The following ZNF516 variants were observed in gnomAD, a reference collection of about 807,000 sequenced individuals.
ZNF516 encodes the protein zinc finger protein 516.
In ZNF516, 19 loss-of-function variants were observed where a neutral mutation model predicts 79.7. The observed-to-expected ratio is 0.24, with a 90% CI of 0.17 to 0.35. The LOEUF (loss-of-function observed/expected upper bound fraction) is 0.35, where lower values mean the gene tolerates loss of function less well. ZNF516 is among the 10% of genes least tolerant of loss of function. The probability of loss-of-function intolerance (pLI) is 1.00; values close to 1 mark genes in which losing one functional copy is unlikely to be tolerated. For missense variants in ZNF516, 1,678 were observed against 1,679.5 expected, an observed-to-expected ratio of 1.00 and a Z score of 0.02; for synonymous variants, 877 against 739.5, an observed-to-expected ratio of 1.19 and a Z score of -3.02.
At chr18:76,387,095 T>G (rs1437773380) in intron 3 of ZNF516, 2 of 152,292 alleles carry the variant, frequency 1.3e-5, no homozygotes, top group Non-Finnish European at 2.9e-5. Context: ...GAAGGCTCCG[T>G]CATCCATGTG....
intron 3 of ZNF516, among the ~76,000 whole-genome samples, chr18:76,429,119 C>A (rs528925358): frequency 1.3e-5 from 2 of 152,338 alleles, no homozygotes; most frequent in African/African-American, 4.8e-5. Flanking sequence ...GAGTCCTGAG[C>A]CAAGAAGATG....
chr18:76,456,922 C>T (rs919106561), intron 2 of ZNF516, among the ~76,000 whole-genome samples: 4 of 152,180 alleles, frequency 2.6e-5, no homozygotes, highest in Admixed American at 2.6e-4. Flanking sequence ...ATTAAATATG[C>T]ATCTGTTATA....
intron 1 of ZNF516, chr18:76,490,033 G>A (rs1328548007): frequency 9.5e-6 from 3 of 315,158 alleles, no homozygotes; most frequent in African/African-American, 2.3e-5. Flanking sequence ...ATTAGCAAAT[G>A]TTAAGAAAAC....
At chr18:76,444,387 T>C in intron 2 of ZNF516, among the ~76,000 whole-genome samples, 1 of 152,134 alleles carries the variant, frequency 6.6e-6, no homozygotes, top group East Asian at 1.9e-4. Context: ...GGCACCCAGA[T>C]GGGCCATGTT....
At chr18:76,398,587 C>T (rs1355170350) in intron 3 of ZNF516, among the ~76,000 whole-genome samples, 1 of 152,106 alleles carries the variant, frequency 6.6e-6, no homozygotes, top group Non-Finnish European at 1.5e-5. Flanking sequence ...GCAGGAAAGC[C>T]AGGCCCATAA....
intron 3 of ZNF516, among the ~76,000 whole-genome samples, chr18:76,391,640 G>A (rs1187206002): frequency 6.6e-6 from 1 of 152,176 alleles, no homozygotes; most frequent in African/African-American, 2.4e-5. Flanking sequence ...ACTAGGACAG[G>A]GGTCCCCAAA....
chr18:76,417,145 T>C (rs769226391), intron 3 of ZNF516, among the ~76,000 whole-genome samples: 10 of 152,214 alleles, frequency 6.6e-5, no homozygotes, highest in Non-Finnish European at 1.0e-4. Context: ...TGAGATGCCT[T>C]TGAACTCCGA....
intron 3 of ZNF516, among the ~76,000 whole-genome samples, chr18:76,392,356 C>T (rs1243411308): frequency 3.3e-5 from 5 of 152,198 alleles, no homozygotes; most frequent in South Asian, 2.1e-4. Context: ...GGTTGGCAAA[C>T]GGGGCTCTTC....
Position 76,480,773 on chromosome 18 carries a change from C to T in ZNF516, c.-272+14371G>A, listed in dbSNP as rs949011752. Among the ~76,000 whole-genome samples, 4 of 152,154 alleles carry T rather than the reference C, an allele frequency of 2.6e-5. No homozygotes were observed. The East Asian group carries it at 5.8e-4, about 22-fold the overall frequency. ...CTGACCTCAAGTGATCCGCCCACCT[C>T]GGCCTCCCAAAATGCTGGGATTACA... is the stretch of plus-strand genomic sequence containing the variant. On this transcript the variant is annotated intron_variant, in intron 1 of 6. Transcript: ENST00000443185.
At chr18:76,372,726 G>A (rs1367267880) in intron 4 of ZNF516, 1 of 152,218 alleles carries the variant, frequency 6.6e-6, no homozygotes, top group Non-Finnish European at 1.5e-5. Context: ...GGCACATCTT[G>A]TCAAATTTCT....
intron 3 of ZNF516, among the ~76,000 whole-genome samples, chr18:76,406,989 C>T (rs908691097): frequency 1.3e-5 from 2 of 152,288 alleles, no homozygotes; most frequent in Non-Finnish European, 2.9e-5. Flanking sequence ...AGTGCGTCTC[C>T]GTCCACTGTT....
rs779845660 is a variant in ZNF516 at position 76,493,707 on chromosome 18, T to A, written c.-272+1437A>T. The A allele has an allele frequency of 6.6e-6, 1 of 152,260 alleles. No individual in the cohort carries two copies. The highest frequency in any genetic ancestry group is 1.5e-5 in the Non-Finnish European group (1 of 68,066). 9.4% of individuals were successfully genotyped at this position (152,260 alleles called of 1,614,324 possible). The stretch of plus-strand genomic sequence containing the variant: ...GAAAAATCACACTCCCCCTCCAGTT[T>A]CTTCCCCTGCAATGATTTCAAAGAC... On this transcript the variant is annotated intron_variant, in intron 1 of 6. Transcript: ENST00000443185. The surrounding 1 kb of genome is among the most constrained non-coding windows in gnomAD (Gnocchi z 5.2).
chr18:76,364,675 C>T lies in ZNF516; in HGVS notation c.3433-2118G>A, dbSNP rs530537857. Among the ~76,000 whole-genome samples, 157 of 151,798 alleles carry T rather than the reference C, an allele frequency of 1.0e-3. 1 individual carries two copies. The highest frequency in any genetic ancestry group is 3.7e-3 in the African/African-American group (152 of 41,338). ...TAGTGGTGGGTGTGGATCGATGCCCCGCACACAAAAAACCTGCCATGCCCC... is the reference window on the plus strand; with the variant it reads ...TAGTGGTGGGTGTGGATCGATGCCCTGCACACAAAAAACCTGCCATGCCCC... On this transcript the variant is annotated intron_variant, in intron 6 of 6. Coordinates refer to ENST00000443185, the MANE Select transcript of ZNF516 (RefSeq NM_014643.4).
intron 3 of ZNF516, among the ~76,000 whole-genome samples, chr18:76,428,988 G>A (rs2075629341): frequency 6.6e-6 from 1 of 152,264 alleles, no homozygotes; most frequent in Non-Finnish European, 1.5e-5. Flanking sequence ...CGCTCAGGAG[G>A]AGGGCGAGCG....
intron 1 of ZNF516, chr18:76,492,263 C>T (rs1271578045): frequency 4.1e-6 from 4 of 985,348 alleles, no homozygotes; most frequent in East Asian, 1.1e-4. Context: ...CGGGTCCGTA[C>T]GCTTCCCGAG....
intron 1 of ZNF516, among the ~76,000 whole-genome samples, chr18:76,464,149 C>A (rs565179997): frequency 6.6e-6 from 1 of 152,066 alleles, no homozygotes; most frequent in East Asian, 2.0e-4. Context: ...CATGGTAAAA[C>A]CCCGTCTGTA....
In ZNF516 at chr18:76,379,952, C is replaced by T; in HGVS notation, c.2162G>A (p.Gly721Glu). 2 of 1,613,992 alleles carry T rather than the reference C, an allele frequency of 1.2e-6. No homozygotes were observed. Among genetic ancestry groups the T allele is most frequent in the Non-Finnish European group, 1.7e-6 (2 of 1,179,902 alleles). Residue 721 changes from glycine (G) to glutamate (E), a missense_variant, in exon 4 of 7, where the codon GGA becomes GAA. Coordinates refer to ENST00000443185, the MANE Select transcript of ZNF516 (RefSeq NM_014643.4). Reference sequence around the variant, plus strand: ...GTCTGGGGCCAGCGCCCGCTTCCCTCCCCCAGAGTGTTCCTTGTTGTGCAA... The same window carrying T: ...GTCTGGGGCCAGCGCCCGCTTCCCTTCCCCAGAGTGTTCCTTGTTGTGCAA... ...SDLHNKEHSGGGKRALAPDLM... is the reference protein window; with the variant it reads ...SDLHNKEHSGEGKRALAPDLM...
intron 3 of ZNF516, chr18:76,386,398 T>A (rs923397822): frequency 6.6e-6 from 1 of 152,166 alleles, no homozygotes; most frequent in African/African-American, 2.4e-5. Context: ...AAGCATCACA[T>A]TCGTCAGTGA....
At chr18:76,495,673 C>T, upstream of ZNF516, 1 of 1,179,880 alleles carries the variant, frequency 8.5e-7, no homozygotes, top group African/African-American at 1.7e-5. Flanking sequence ...CGTTTCCGCG[C>T]GCACACGCGC....
Sources: gnomAD v4.1 joint callset for allele counts (sites outside exome capture counted in the v4.1 genomes callset) on GRCh38, gnomAD v4.1.1 for gene constraint, Gnocchi (gnomAD v3.1) non-coding constraint, MANE v1.5 for transcripts, NCBI Gene and HGNC (gene_info 2026-07-23, HGNC 2026-07-21) for gene names.